Variants in OXR1 observed in about 807,000 individuals in gnomAD.
The protein encoded by OXR1 is oxidation resistance 1.
A neutral mutation model predicts 104.6 loss-of-function variants in OXR1; 41 were observed. That is an observed-to-expected ratio of 0.39 (90% confidence interval 0.31 to 0.51). The LOEUF is 0.51. Among genes scored for constraint, OXR1 ranks in the 20% least tolerant of loss-of-function variants. The probability of loss-of-function intolerance (pLI) is 0.77; values close to 1 mark genes in which losing one functional copy is unlikely to be tolerated. For missense variants in OXR1, 955 were observed against 1,031.9 expected, an observed-to-expected ratio of 0.93 and a Z score of 1.02; for synonymous variants, 348 against 348.4, an observed-to-expected ratio of 1.00 and a Z score of 0.01.
At chr8:106,520,598 C>T (rs1813185277) in intron 3 of OXR1, 1 of 152,132 alleles carries the variant, frequency 6.6e-6, no homozygotes, top group Non-Finnish European at 1.5e-5. Flanking sequence ...ATGAGACTGT[C>T]CATAGTCAGG....
At chr8:106,521,165 T>C (rs1813227674) in intron 3 of OXR1, among the ~76,000 whole-genome samples, 1 of 152,196 alleles carries the variant, frequency 6.6e-6, no homozygotes, top group Non-Finnish European at 1.5e-5. Flanking sequence ...TTAGCAACCG[T>C]ATAATCACCG....
intron 9 of OXR1, chr8:106,707,584 G>A (rs1307886317): frequency 1.4e-5 from 3 of 210,354 alleles, no homozygotes; most frequent in African/African-American, 6.9e-5. Context: ...ACCTAAAAGT[G>A]TACTTACAGA....
At position 106,405,239 on chromosome 8, in the gene OXR1, G is replaced by GTGTATATA. The variant is rs371825358; in HGVS notation, c.23+45604_23+45605insGTATATAT. On this transcript the variant is annotated intron_variant, in intron 2 of 16. Coordinates refer to ENST00000517566, the MANE Select transcript of OXR1 (RefSeq NM_001198533.2). ...TGTGTGTGTGTGTGTGTGTGTGTGTGTATAGGCTCATGTGATTATGGAGGC... is the reference window on the plus strand; with the variant it reads ...TGTGTGTGTGTGTGTGTGTGTGTGTGTGTATATATATAGGCTCATGTGATTATGGAGGC... Among the ~76,000 whole-genome samples the GTGTATATA allele has an allele frequency of 2.1e-3, 284 of 133,128 alleles. 6 individuals carry two copies. The highest frequency in any genetic ancestry group is 8.0e-3 in the African/African-American group (272 of 34,192). The allele number at this position is 133,128 out of a possible 152,430, so 87.3% of individuals were successfully genotyped here.
At position 106,441,675 on chromosome 8, in the gene OXR1, G is replaced by A. The variant is rs540355357; in HGVS notation, c.24-77268G>A. Among the ~76,000 whole-genome samples, 5 of 152,154 alleles carry A rather than the reference G, an allele frequency of 3.3e-5. No homozygotes were observed. In the East Asian group the frequency reaches 9.7e-4, roughly 29 times the overall value. On this transcript the variant is annotated intron_variant, in intron 2 of 16. Coordinates refer to ENST00000517566, the MANE Select transcript of OXR1 (RefSeq NM_001198533.2). The stretch of plus-strand genomic sequence containing the variant: ...TCCTAGGTATTTTATTCTCTTTGCA[G>A]TGATTGTGAATGGGAGTTCATTCAT...
intron 3 of OXR1, among the ~76,000 whole-genome samples, chr8:106,547,169 G>T (rs562224395): frequency 6.6e-6 from 1 of 152,116 alleles, no homozygotes; most frequent in Admixed American, 6.5e-5. Context: ...GATTACAGGC[G>T]TGAGCCACCA....
chr8:106,502,964 G>T (rs1039849638), intron 2 of OXR1, among the ~76,000 whole-genome samples: 1 of 152,072 alleles, frequency 6.6e-6, no homozygotes, highest in Non-Finnish European at 1.5e-5. Context: ...ATTGGGGAAG[G>T]ATTACCCTCT....
At chr8:106,733,572 T>A (rs538484931) in intron 11 of OXR1, among the ~76,000 whole-genome samples, 19 of 152,272 alleles carry the variant, frequency 1.2e-4, no homozygotes, top group South Asian at 6.2e-4. Flanking sequence ...AAAACTTTTT[T>A]AAATGGTTCC....
chr8:106,448,078 T>G, intron 2 of OXR1: 1 of 1,535,116 alleles, frequency 6.5e-7, no homozygotes, highest in Non-Finnish European at 8.7e-7. Flanking sequence ...CTCCATCTGT[T>G]GTTACTTCCT....
chr8:106,428,608 C>CTT lies in OXR1; in HGVS notation c.23+68987_23+68988dup, dbSNP rs36049400. 2.0e-3 allele frequency among the ~76,000 whole-genome samples: 272 copies of CTT among 139,150 alleles called. 1 individual carries two copies. The highest frequency in any genetic ancestry group is 4.9e-3 in the African/African-American group (185 of 37,778). The allele number at this position is 139,150 out of a possible 152,430, so 91.3% of individuals were successfully genotyped here. ...CTCATGGGCCTGGAGCTGCCAATGT[C>CTT]TTTTTTTTTTTTTTTTAAACATCTA... On this transcript the variant is annotated intron_variant, in intron 2 of 16. Transcript: ENST00000517566.
At chr8:106,536,358 T>C (rs1814539521) in intron 3 of OXR1, among the ~76,000 whole-genome samples, 1 of 151,958 alleles carries the variant, frequency 6.6e-6, no homozygotes, top group South Asian at 2.1e-4. Flanking sequence ...TTCCCACCAA[T>C]GTACAAACCA....
chr8:106,733,356 T>A (rs1005587235), intron 11 of OXR1, among the ~76,000 whole-genome samples: 2 of 152,222 alleles, frequency 1.3e-5, no homozygotes, highest in Non-Finnish European at 2.9e-5. Flanking sequence ...TCTCTCACTC[T>A]CATCTATCCT....
At chr8:106,562,764 C>T (rs1307205189) in intron 3 of OXR1, among the ~76,000 whole-genome samples, 3 of 152,162 alleles carry the variant, frequency 2.0e-5, no homozygotes, top group African/African-American at 4.8e-5. Flanking sequence ...AGACTAACAG[C>T]GGATCTCTTT....
At chr8:106,317,776 T>C (rs1446457714) in intron 1 of OXR1, among the ~76,000 whole-genome samples, 3 of 148,400 alleles carry the variant, frequency 2.0e-5, no homozygotes, top group African/African-American at 7.8e-5. Flanking sequence ...CTCTACTTCA[T>C]CTGTTCTAAC....
At chr8:106,396,933 G>T (rs1371621075) in intron 2 of OXR1, among the ~76,000 whole-genome samples, 2 of 152,020 alleles carry the variant, frequency 1.3e-5, no homozygotes, top group African/African-American at 4.8e-5. Context: ...AATGAATGCT[G>T]TGTATGTATA....
chr8:106,541,792 G>T (rs959298311), intron 3 of OXR1, among the ~76,000 whole-genome samples: 12 of 152,268 alleles, frequency 7.9e-5, no homozygotes, highest in African/African-American at 2.9e-4. Flanking sequence ...TTCCCAAGGG[G>T]AATCTAGGGA....
rs1352558329 is a variant in OXR1, at chr8:106,518,883, C to T, written c.24-60C>T. 18 of 1,257,398 alleles carry T rather than the reference C, an allele frequency of 1.4e-5. No homozygotes were observed. The East Asian group carries it at 4.7e-4, about 33-fold the overall frequency. 77.9% of individuals were successfully genotyped at this position (1,257,398 alleles called of 1,614,324 possible). ...TCAATTGTTGAAAAAAAATTATAAA[C>T]ATGGAACAAATGTGTCTCTAGAATC... is the stretch of plus-strand genomic sequence containing the variant. On this transcript the variant is annotated intron_variant, in intron 2 of 16. Coordinates refer to ENST00000517566, the MANE Select transcript of OXR1 (RefSeq NM_001198533.2).
rs1816150799 is a variant in OXR1, at chr8:106,359,559, A to AC, written c.-53dup. 1.1e-5 allele frequency: 16 copies of AC among 1,442,702 alleles called. 1 individual carries two copies. The South Asian group carries it at 2.0e-4, about 18-fold the overall frequency. The allele number at this position is 1,442,702 out of a possible 1,614,324, so 89.4% of individuals were successfully genotyped here. On this transcript the variant is annotated 5_prime_UTR_variant, in exon 2 of 17. Coordinates refer to ENST00000517566, the MANE Select transcript of OXR1 (RefSeq NM_001198533.2). ...AATTTTTAGCGGTGTTGTCGACTTG[A>AC]CCTGCTAATTTCCTGTTCTGGAATC...
chr8:106,734,413 G>A (rs1834193839), intron 11 of OXR1, among the ~76,000 whole-genome samples: 3 of 152,212 alleles, frequency 2.0e-5, no homozygotes, highest in South Asian at 4.2e-4. Context: ...AGTGTAAGTG[G>A]CATTGATTAG....
rs1812817713 is a variant in OXR1, at chr8:106,515,755, G to A, written c.24-3188G>A. 2.6e-5 allele frequency among the ~76,000 whole-genome samples: 4 copies of A among 152,196 alleles called. No homozygotes were observed. The South Asian group carries it at 8.3e-4, about 32-fold the overall frequency. On this transcript the variant is annotated intron_variant, in intron 2 of 16. Coordinates refer to ENST00000517566, the MANE Select transcript of OXR1 (RefSeq NM_001198533.2). The stretch of plus-strand genomic sequence containing the variant: ...TCTAGTCTGAAAACACCTAAGATAA[G>A]AATGGTGTTATTGGGAGGAACAAGG...
Sources: allele counts gnomAD v4.1 joint callset (sites outside exome capture counted in the v4.1 genomes callset), GRCh38; gene constraint gnomAD v4.1.1; transcripts MANE v1.5; gene names NCBI Gene and HGNC (gene_info 2026-07-23, HGNC 2026-07-21).